Variants in WIPI2 observed in about 807,000 individuals in gnomAD.
WIPI2 encodes WD repeat domain, phosphoinositide interacting 2.
WIPI2 carries 28 observed loss-of-function variants against 52.3 expected under a neutral mutation model. The ratio of observed to expected loss-of-function variants is 0.54; its 90% CI spans 0.40 to 0.73. The LOEUF (loss-of-function observed/expected upper bound fraction) is 0.73. Among genes scored for constraint, WIPI2 ranks in the 30% least tolerant of loss-of-function variants. The pLI is 0.00. For missense variants in WIPI2, 506 were observed against 602.9 expected, an observed-to-expected ratio of 0.84 and a Z score of 1.68; for synonymous variants, 268 against 245.0, an observed-to-expected ratio of 1.09 and a Z score of -0.88.
At chr7:5,222,804 G>A (rs1045445806) in intron 8 of WIPI2, 132 bp downstream of exon 8, 44 of 872,386 alleles carry the variant, frequency 5.0e-5, no homozygotes, top group Non-Finnish European at 7.7e-5. Context: ...CTGGGTCACC[G>A]GGTAAGATCT....
rs1432960396 is a variant in WIPI2 at position 5,232,587 on chromosome 7, G to A, written c.*1640G>A. 2 of 344,786 alleles carry A rather than the reference G, an allele frequency of 5.8e-6. No homozygotes were observed. Among genetic ancestry groups the A allele is most frequent in the Non-Finnish European group, 1.0e-5 (2 of 192,534 alleles). The allele number at this position is 344,786 out of a possible 1,614,324, so 21.4% of individuals were successfully genotyped here. Reference sequence around the variant, plus strand: ...GACAGTGGGGACCGCCGAGGCCAGAGTGGGCTATGCTTGAGCAGGGATGAG... The same window carrying A: ...GACAGTGGGGACCGCCGAGGCCAGAATGGGCTATGCTTGAGCAGGGATGAG... On this transcript the variant is annotated 3_prime_UTR_variant, in exon 13 of 13. Transcript: ENST00000288828.
At chr7:5,229,995 C>T (rs1459528787) in intron 12 of WIPI2, among the ~76,000 whole-genome samples, 1 of 150,814 alleles carries the variant, frequency 6.6e-6, no homozygotes, top group Non-Finnish European at 1.5e-5. Flanking sequence ...GTCTCAAACT[C>T]CTCCTGGGCT....
intron 2 of WIPI2, among the ~76,000 whole-genome samples, chr7:5,196,501 G>A (rs1781748662): frequency 6.6e-6 from 1 of 152,158 alleles, no homozygotes; most frequent in Non-Finnish European, 1.5e-5. Context: ...TTCTAGCTGA[G>A]GTATTTAATA....
intron 7 of WIPI2, among the ~76,000 whole-genome samples, chr7:5,219,265 C>T (rs1782972412): frequency 6.6e-6 from 1 of 152,208 alleles, no homozygotes. Flanking sequence ...GGTCAGACTC[C>T]AAGTCTGACT....
Position 5,227,366 on chromosome 7 carries a change from G to C in WIPI2, c.1013+22G>C. On this transcript the variant is annotated intron_variant, in intron 10 of 12. Transcript: ENST00000288828. The surrounding 1 kb of genome is among the most constrained non-coding windows in gnomAD (Gnocchi z 8.1). ...CCACGTGAGTAGAGCCGGCGCCTCC[G>C]TCCCCCACCCCGTGTGCCTCAGGCC... 1 of 1,608,562 alleles carries C rather than the reference G, an allele frequency of 6.2e-7. No individual in the cohort carries two copies. The highest frequency in any genetic ancestry group is 8.5e-7 in the Non-Finnish European group (1 of 1,179,038).
chr7:5,194,823 T>C (rs1385648175), intron 2 of WIPI2, among the ~76,000 whole-genome samples: 2 of 152,092 alleles, frequency 1.3e-5, no homozygotes, highest in African/African-American at 4.8e-5. Flanking sequence ...AGAAAGGAGA[T>C]ATTAGCCAGT....
chr7:5,209,871 T>C (rs990613055), intron 3 of WIPI2, among the ~76,000 whole-genome samples: 1 of 152,100 alleles, frequency 6.6e-6, no homozygotes, highest in African/African-American at 2.4e-5. Context: ...GCCCCTCCCA[T>C]ATTTCTACTT....
intron 11 of WIPI2, chr7:5,229,367 A>G (rs569351908): frequency 7.9e-6 from 3 of 379,192 alleles, no homozygotes; most frequent in Admixed American, 4.3e-5. Context: ...TAGTTCTTCC[A>G]TTGTAAAAGT....
chr7:5,198,643 T>C (rs1255757192), intron 2 of WIPI2, among the ~76,000 whole-genome samples: 5 of 152,302 alleles, frequency 3.3e-5, no homozygotes, highest in East Asian at 1.9e-4. Context: ...TTCTGACATA[T>C]ACTGTGTGTA....
rs1782851139 is a variant in WIPI2, at chr7:5,217,081, C to G, written c.479-9C>G. 4.4e-6 allele frequency: 7 copies of G among 1,604,252 alleles called. No homozygotes were observed. The Middle Eastern group carries it at 5.0e-4, about 115-fold the overall frequency. On this transcript the variant is annotated splice_polypyrimidine_tract_variant and intron_variant, in intron 5 of 12. Coordinates refer to ENST00000288828, the MANE Select transcript of WIPI2 (RefSeq NM_015610.4). ...AGTTTGCATCTCGTCCTCCGTGTGTCATTTGCAGGCCTGTGTGCGCTGTCA... is the reference window on the plus strand; with the variant it reads ...AGTTTGCATCTCGTCCTCCGTGTGTGATTTGCAGGCCTGTGTGCGCTGTCA...
chr7:5,211,817 A>T (rs1278717060), intron 3 of WIPI2, among the ~76,000 whole-genome samples: 2 of 152,250 alleles, frequency 1.3e-5, no homozygotes, highest in Admixed American at 6.5e-5. Context: ...ACAGCTAATT[A>T]GAGCAGAGCT....
At chr7:5,229,085 G>A (rs1034876543) in intron 11 of WIPI2, among the ~76,000 whole-genome samples, 4 of 151,712 alleles carry the variant, frequency 2.6e-5, no homozygotes, top group African/African-American at 9.7e-5. Flanking sequence ...GCGCGATCTC[G>A]GCTCACTGCA....
rs35852278 is a variant in WIPI2 at position 5,222,075 on chromosome 7, G to A, written c.670-527G>A. On this transcript the variant is annotated intron_variant, in intron 7 of 12. Coordinates refer to ENST00000288828, the MANE Select transcript of WIPI2 (RefSeq NM_015610.4). ...AGCGATTCTTCTGCCTCAGCCTCCC[G>A]AGTAGTTGGGATTACAGGCATGCGC... Among the ~76,000 whole-genome samples, 1,497 of 150,842 alleles carry A rather than the reference G, an allele frequency of 9.9e-3. 12 individuals carry two copies. The highest frequency in any genetic ancestry group is 0.017 in the Non-Finnish European group (1,124 of 67,916).
chr7:5,197,081 C>A lies in WIPI2; in HGVS notation c.129-2495C>A, dbSNP rs190353711. Reference sequence around the variant, plus strand: ...GAGCCAGGATCGCGCTGCTGCACTCCAGCCTGCATGACAGAGCGGGACTCC... The same window carrying A: ...GAGCCAGGATCGCGCTGCTGCACTCAAGCCTGCATGACAGAGCGGGACTCC... On this transcript the variant is annotated intron_variant, in intron 2 of 12. Transcript: ENST00000288828. Among the ~76,000 whole-genome samples the A allele has an allele frequency of 1.0e-3, 137 of 132,234 alleles. 1 individual carries two copies. The highest frequency in any genetic ancestry group is 4.4e-3 in the Middle Eastern group (1 of 226). The allele number at this position is 132,234 out of a possible 152,430, so 86.8% of individuals were successfully genotyped here.
rs79890414 is a variant in WIPI2, at chr7:5,206,076, C to G, written c.211+6418C>G. ...CTGAAGTCTTGAATTTCTATGTATTCAAATGCATTGGTCTTTTTTTCTAAG... is the reference window on the plus strand; with the variant it reads ...CTGAAGTCTTGAATTTCTATGTATTGAAATGCATTGGTCTTTTTTTCTAAG... On this transcript the variant is annotated intron_variant, in intron 3 of 12. Transcript: ENST00000288828. 2.2e-3 allele frequency among the ~76,000 whole-genome samples: 329 copies of G among 152,050 alleles called. 2 individuals are homozygous for G. Among genetic ancestry groups the G allele is most frequent in the African/African-American group, 7.3e-3 (303 of 41,448 alleles).
intron 2 of WIPI2, among the ~76,000 whole-genome samples, chr7:5,198,751 GT>G (rs1562385921): frequency 1.3e-5 from 2 of 152,110 alleles, no homozygotes; most frequent in Admixed American, 6.6e-5. Context: ...TATAGAGTTT[GT>G]TTTTTAGTAT....
At chr7:5,202,343 G>A (rs1782066934) in intron 3 of WIPI2, among the ~76,000 whole-genome samples, 1 of 152,220 alleles carries the variant, frequency 6.6e-6, no homozygotes, top group Non-Finnish European at 1.5e-5. Flanking sequence ...GAAAGTTGCA[G>A]GAACTGCCAG....
intron 3 of WIPI2, among the ~76,000 whole-genome samples, chr7:5,201,115 CT>C (rs1782008789): frequency 2.0e-5 from 3 of 152,238 alleles, no homozygotes; most frequent in African/African-American, 7.2e-5. Context: ...ACCTGGCTGC[CT>C]TCACGTGAGC....
At chr7:5,191,271 C>G (rs370213856) in intron 1 of WIPI2, among the ~76,000 whole-genome samples, 1 of 152,156 alleles carries the variant, frequency 6.6e-6, no homozygotes, top group East Asian at 1.9e-4. Flanking sequence ...ATCCGCCCAC[C>G]TCAGCCTCCC....
Sources: gnomAD v4.1 joint callset for allele counts (sites outside exome capture counted in the v4.1 genomes callset) on GRCh38, gnomAD v4.1.1 for gene constraint, Gnocchi (gnomAD v3.1) non-coding constraint, MANE v1.5 for transcripts, NCBI Gene and HGNC (gene_info 2026-07-23, HGNC 2026-07-21) for gene names.